ALCAM: variants seen among roughly 807,000 people sequenced by gnomAD.
The protein encoded by ALCAM is activated leukocyte cell adhesion molecule, also known as CD166 antigen.
In ALCAM, 30 loss-of-function variants were observed where a neutral mutation model predicts 70.9. The ratio of observed to expected loss-of-function variants is 0.42; its 90% CI spans 0.32 to 0.57. ALCAM has a LOEUF of 0.57. ALCAM is among the 20% of genes least tolerant of loss of function. The pLI is 0.11. For synonymous variants in ALCAM, 249 were observed against 242.5 expected, an observed-to-expected ratio of 1.03 and a Z score of -0.25; for missense variants, 591 against 695.1, an observed-to-expected ratio of 0.85 and a Z score of 1.68.
rs1452668758 is a variant in ALCAM, at chr3:105,411,624, G to A, written c.73+44143G>A. Reference sequence around the variant, plus strand: ...GGTAATTCCCATCTTAGGGAATACTGTCTATGAGAATATTATTCATCAAAA... The same window carrying A: ...GGTAATTCCCATCTTAGGGAATACTATCTATGAGAATATTATTCATCAAAA... On this transcript the variant is annotated intron_variant, in intron 1 of 15. Coordinates refer to ENST00000306107, the MANE Select transcript of ALCAM (RefSeq NM_001627.4). 2.6e-5 allele frequency among the ~76,000 whole-genome samples: 4 copies of A among 152,018 alleles called. No homozygotes were observed. The East Asian group carries it at 7.7e-4, about 29-fold the overall frequency.
At chr3:105,395,895 G>T (rs148247206) in intron 1 of ALCAM, among the ~76,000 whole-genome samples, 1 of 152,060 alleles carries the variant, frequency 6.6e-6, no homozygotes, top group East Asian at 1.9e-4. Context: ...CATGTCTCCT[G>T]GATTGAGTTC....
chr3:105,559,954 C>T (rs980006484), intron 14 of ALCAM, among the ~76,000 whole-genome samples: 16 of 151,940 alleles, frequency 1.1e-4, no homozygotes, highest in Admixed American at 8.5e-4. Flanking sequence ...CTTTAAAATC[C>T]ATTCTCTTCT....
intron 3 of ALCAM, among the ~76,000 whole-genome samples, chr3:105,528,762 G>A (rs1576223635): frequency 6.6e-6 from 1 of 152,062 alleles, no homozygotes; most frequent in South Asian, 2.1e-4. Flanking sequence ...AGAGAATCAG[G>A]AAAAATAACT....
chr3:105,453,297 C>G (rs1462445549), intron 1 of ALCAM, among the ~76,000 whole-genome samples: 1 of 152,144 alleles, frequency 6.6e-6, no homozygotes, highest in Non-Finnish European at 1.5e-5. Flanking sequence ...ATATGGCTAG[C>G]CGGTTTTCCC....
At position 105,521,086 on chromosome 3, in the gene ALCAM, G is replaced by C. The variant is rs563097862; in HGVS notation, c.174+919G>C. Among the ~76,000 whole-genome samples the C allele has an allele frequency of 9.2e-5, 14 of 151,884 alleles. No individual in the cohort carries two copies. In the South Asian group the frequency reaches 2.7e-3, roughly 29 times the overall value. On this transcript the variant is annotated intron_variant, in intron 2 of 15. Coordinates refer to ENST00000306107, the MANE Select transcript of ALCAM (RefSeq NM_001627.4). ...GGAGGCCGAGGCGGGTGGATCATGA[G>C]GTCAGGAGATCGAGACCATCCTGGC...
At chr3:105,530,325 A>G (rs893789465) in intron 3 of ALCAM, among the ~76,000 whole-genome samples, 1 of 152,088 alleles carries the variant, frequency 6.6e-6, no homozygotes, top group African/African-American at 2.4e-5. Context: ...GAACATTAAT[A>G]ACATTCTATT....
intron 14 of ALCAM, among the ~76,000 whole-genome samples, chr3:105,565,745 A>G (rs1940729628): frequency 6.6e-6 from 1 of 152,176 alleles, no homozygotes; most frequent in African/African-American, 2.4e-5. Flanking sequence ...GATCAGCTTA[A>G]CTTTTTTTGG....
At chr3:105,507,015 G>C (rs551522834) in intron 1 of ALCAM, among the ~76,000 whole-genome samples, 1 of 152,284 alleles carries the variant, frequency 6.6e-6, no homozygotes, top group East Asian at 1.9e-4. Flanking sequence ...CCCTATACCA[G>C]TGGAATTTAG....
chr3:105,512,045 A>G (rs1023503936), intron 1 of ALCAM, among the ~76,000 whole-genome samples: 4 of 152,048 alleles, frequency 2.6e-5, no homozygotes, highest in Non-Finnish European at 5.9e-5. Flanking sequence ...TTTCTGTGAA[A>G]ACAATGATGA....
At chr3:105,404,379 C>T (rs1275070690) in intron 1 of ALCAM, among the ~76,000 whole-genome samples, 2 of 152,110 alleles carry the variant, frequency 1.3e-5, no homozygotes, top group Non-Finnish European at 2.9e-5. Context: ...AGATTAACAG[C>T]ACATTTCTCA....
chr3:105,441,909 TA>T (rs1937179095), intron 1 of ALCAM, among the ~76,000 whole-genome samples: 1 of 152,232 alleles, frequency 6.6e-6, no homozygotes, highest in African/African-American at 2.4e-5. Context: ...AGTGGCAATA[TA>T]TTCATTCCAA....
chr3:105,560,427 G>T (rs1281440221), intron 14 of ALCAM, among the ~76,000 whole-genome samples: 1 of 151,936 alleles, frequency 6.6e-6, no homozygotes, highest in Non-Finnish European at 1.5e-5. Context: ...AACATATTTT[G>T]CATTAAAATC....
intron 1 of ALCAM, among the ~76,000 whole-genome samples, chr3:105,416,392 T>C (rs1936508773): frequency 6.6e-6 from 1 of 152,010 alleles, no homozygotes; most frequent in Admixed American, 6.6e-5. Context: ...ACTTTTCAGT[T>C]CTTAATTTTT....
chr3:105,426,523 T>C (rs1192056909), intron 1 of ALCAM, among the ~76,000 whole-genome samples: 2 of 151,908 alleles, frequency 1.3e-5, no homozygotes, highest in Admixed American at 6.6e-5. Context: ...AAGTCTCTTC[T>C]AGCTATTTTA....
intron 3 of ALCAM, chr3:105,525,053 A>G: frequency 1.1e-6 from 1 of 871,636 alleles, no homozygotes; most frequent in Non-Finnish European, 1.4e-6. Flanking sequence ...TTTATATATT[A>G]TATATATTAG....
At chr3:105,455,974 G>C (rs1937530991) in intron 1 of ALCAM, among the ~76,000 whole-genome samples, 1 of 152,192 alleles carries the variant, frequency 6.6e-6, no homozygotes, top group African/African-American at 2.4e-5. Context: ...AGCTACTCGG[G>C]AGGCTGAAGC....
At chr3:105,544,451 T>C (rs1057362189) in intron 8 of ALCAM, among the ~76,000 whole-genome samples, 3 of 151,612 alleles carry the variant, frequency 2.0e-5, no homozygotes, top group Non-Finnish European at 4.4e-5. Flanking sequence ...AGCCTGCCTT[T>C]CATCTTTCAA....
chr3:105,420,528 G>T (rs1936622363), intron 1 of ALCAM, among the ~76,000 whole-genome samples: 1 of 151,560 alleles, frequency 6.6e-6, no homozygotes, highest in Non-Finnish European at 1.5e-5. Flanking sequence ...AGATTATTTG[G>T]AATTATATTA....
At chr3:105,532,468 C>T (rs1003189109) in intron 4 of ALCAM, among the ~76,000 whole-genome samples, 10 of 152,036 alleles carry the variant, frequency 6.6e-5, no homozygotes, top group African/African-American at 1.9e-4. Context: ...CTGGGCATAG[C>T]GGTACATGCC....
Sources: allele counts gnomAD v4.1 joint callset (sites outside exome capture counted in the v4.1 genomes callset), GRCh38; gene constraint gnomAD v4.1.1; transcripts MANE v1.5; gene names NCBI Gene and HGNC (gene_info 2026-07-23, HGNC 2026-07-21).